CNTN5: variants seen among roughly 807,000 people sequenced by gnomAD.
The protein encoded by CNTN5 is contactin 5.
Under a neutral mutation model 129.1 loss-of-function variants are expected in CNTN5, and 77 were observed. The observed-to-expected ratio is 0.60, with a 90% CI of 0.50 to 0.72. The LOEUF is 0.72. Among genes scored for constraint, CNTN5 ranks in the 30% least tolerant of loss-of-function variants. The pLI is 0.00. For synonymous variants in CNTN5, 509 were observed against 465.6 expected (o/e 1.09, Z -1.20); for missense variants, 1,478 against 1,328.8 (o/e 1.11, Z -1.75).
chr11:99,339,636 G>T (rs1772351048), intron 2 of CNTN5, among the ~76,000 whole-genome samples: 1 of 152,088 alleles, frequency 6.6e-6, no homozygotes, highest in Non-Finnish European at 1.5e-5. Flanking sequence ...AAAAAAATTA[G>T]CCGGGTGTGG....
In CNTN5 at chr11:100,015,363, T is replaced by C. The variant is rs183236714; in HGVS notation, c.980+13227T>C. ...TGGGTTCTAGCATGTTGAGTTGCCTTACCAAAGTCACTCTAATGAAAAACA... is the reference window on the plus strand; with the variant it reads ...TGGGTTCTAGCATGTTGAGTTGCCTCACCAAAGTCACTCTAATGAAAAACA... On this transcript the variant is annotated intron_variant, in intron 9 of 24. Coordinates refer to ENST00000524871, the MANE Select transcript of CNTN5 (RefSeq NM_014361.4). 5.3e-5 allele frequency among the ~76,000 whole-genome samples: 8 copies of C among 152,252 alleles called. 1 individual carries two copies. Among genetic ancestry groups the C allele is most frequent in the Admixed American group, 4.6e-4 (7 of 15,282 alleles).
chr11:99,300,058 T>C (rs1864563763), intron 1 of CNTN5, among the ~76,000 whole-genome samples: 1 of 152,100 alleles, frequency 6.6e-6, no homozygotes. Flanking sequence ...CCAACATTTG[T>C]TATTTTTTGA....
intron 1 of CNTN5, among the ~76,000 whole-genome samples, chr11:99,083,243 C>T (rs376804305): frequency 1.3e-5 from 2 of 151,926 alleles, no homozygotes; most frequent in African/African-American, 4.8e-5. Flanking sequence ...GTGTTCTTCC[C>T]TCAGTTTCCC....
At chr11:100,037,641 T>G (rs900622865) in intron 9 of CNTN5, among the ~76,000 whole-genome samples, 8 of 152,232 alleles carry the variant, frequency 5.3e-5, no homozygotes, top group East Asian at 3.9e-4. Flanking sequence ...TGCCACAATT[T>G]CAGCTCCTGT....
intron 8 of CNTN5, among the ~76,000 whole-genome samples, chr11:99,981,098 A>ATATATATATATATATATT (rs1160392030): frequency 0.028 from 1,689 of 60,526 alleles, 26 homozygotes; most frequent in Non-Finnish European, 0.041. Flanking sequence ...ATATATATAT[A>ATATATATATATATATATT]TATATACACA....
At chr11:99,762,503 C>G (rs1427113850) in intron 3 of CNTN5, among the ~76,000 whole-genome samples, 1 of 151,898 alleles carries the variant, frequency 6.6e-6, no homozygotes, top group African/African-American at 2.4e-5. Context: ...ATTTTCCCAG[C>G]ACCATTTATT....
intron 2 of CNTN5, among the ~76,000 whole-genome samples, chr11:99,388,414 C>CAAAAAAAAA: frequency 8.2e-6 from 1 of 121,836 alleles, no homozygotes; most frequent in Non-Finnish European, 1.6e-5. Flanking sequence ...AACCCGGTCT[C>CAAAAAAAAA]AAAAAAAAAA....
At chr11:99,077,985 T>C (rs1565299252) in intron 1 of CNTN5, among the ~76,000 whole-genome samples, 1 of 152,170 alleles carries the variant, frequency 6.6e-6, no homozygotes, top group Admixed American at 6.6e-5. Context: ...CCTTAAGCTT[T>C]CTTTTTCTCT....
intron 1 of CNTN5, among the ~76,000 whole-genome samples, chr11:99,131,762 C>T (rs1240373991): frequency 6.6e-6 from 1 of 151,696 alleles, no homozygotes; most frequent in Non-Finnish European, 1.5e-5. Flanking sequence ...TAATAAAGAG[C>T]TTGCCAATCA....
intron 1 of CNTN5, among the ~76,000 whole-genome samples, chr11:99,051,405 T>C (rs1864420800): frequency 6.6e-6 from 1 of 151,932 alleles, no homozygotes; most frequent in Non-Finnish European, 1.5e-5. Context: ...CTGCAGCCAA[T>C]GGTGCTTATG....
intron 9 of CNTN5, among the ~76,000 whole-genome samples, chr11:100,046,452 T>G (rs1367538281): frequency 1.3e-5 from 2 of 152,186 alleles, no homozygotes; most frequent in Non-Finnish European, 2.9e-5. Context: ...TAGATATATA[T>G]TTTAACATAC....
At chr11:99,281,101 A>C (rs1198418967) in intron 1 of CNTN5, among the ~76,000 whole-genome samples, 1 of 151,942 alleles carries the variant, frequency 6.6e-6, no homozygotes, top group Non-Finnish European at 1.5e-5. Flanking sequence ...CAGAATAAGC[A>C]TAGATAACAA....
At chr11:100,115,095 A>G (rs1945795261) in intron 13 of CNTN5, among the ~76,000 whole-genome samples, 1 of 135,676 alleles carries the variant, frequency 7.4e-6, no homozygotes, top group African/African-American at 2.7e-5. Context: ...TGAATTTTCT[A>G]GACTGCTATA....
chr11:100,075,455 C>G (rs1331121627), intron 13 of CNTN5, among the ~76,000 whole-genome samples: 1 of 152,086 alleles, frequency 6.6e-6, no homozygotes, highest in African/African-American at 2.4e-5. Flanking sequence ...TTTATTTAAT[C>G]AAAGTTTTGT....
chr11:99,462,029 G>A (rs1364364298), intron 2 of CNTN5, among the ~76,000 whole-genome samples: 1 of 152,144 alleles, frequency 6.6e-6, no homozygotes, highest in Non-Finnish European at 1.5e-5. Flanking sequence ...TACTGGAATA[G>A]TGGCTATTTT....
At chr11:99,117,410 G>C (rs1047054938) in intron 1 of CNTN5, among the ~76,000 whole-genome samples, 2 of 151,962 alleles carry the variant, frequency 1.3e-5, no homozygotes, top group Non-Finnish European at 2.9e-5. Flanking sequence ...ATTCTAACAC[G>C]ACCAGTTTGC....
intron 3 of CNTN5, among the ~76,000 whole-genome samples, chr11:99,813,106 G>A (rs1946479199): frequency 6.6e-6 from 1 of 151,970 alleles, no homozygotes; most frequent in East Asian, 1.9e-4. Flanking sequence ...CATATCACCT[G>A]TTCCTAACCC....
At chr11:99,643,705 T>C (rs1258663167) in intron 3 of CNTN5, among the ~76,000 whole-genome samples, 1 of 152,156 alleles carries the variant, frequency 6.6e-6, no homozygotes, top group African/African-American at 2.4e-5. Context: ...GCTGGTATAC[T>C]TTCTGACTGT....
intron 13 of CNTN5, among the ~76,000 whole-genome samples, chr11:100,122,119 G>A (rs1946044387): frequency 6.6e-6 from 1 of 152,050 alleles, no homozygotes; most frequent in African/African-American, 2.4e-5. Context: ...TGGGATGCCA[G>A]TAGCAAGGCT....
Sources: gnomAD v4.1 joint callset for allele counts (sites outside exome capture counted in the v4.1 genomes callset) on GRCh38, gnomAD v4.1.1 for gene constraint, MANE v1.5 for transcripts, NCBI Gene and HGNC (gene_info 2026-07-23, HGNC 2026-07-21) for gene names.